Variants in DLC1 observed in about 807,000 individuals in gnomAD.
DLC1 encodes the protein DLC1 Rho GTPase activating protein.
In DLC1, 54 loss-of-function variants were observed where a neutral mutation model predicts 140.3. That is an observed-to-expected ratio of 0.38 (90% confidence interval 0.31 to 0.48). DLC1 has a LOEUF of 0.48. Ranked by LOEUF, DLC1 falls within the 20% of genes least tolerant of loss-of-function variation. DLC1 has a pLI of 0.96. For missense variants in DLC1, 2,536 were observed against 1,907.0 expected, an observed-to-expected ratio of 1.33 and a Z score of -6.14; for synonymous variants, 986 against 728.1, an observed-to-expected ratio of 1.35 and a Z score of -5.70.
chr8:13,315,167 C>T (rs1043145950), intron 4 of DLC1, among the ~76,000 whole-genome samples: 9 of 152,122 alleles, frequency 5.9e-5, no homozygotes, highest in Admixed American at 1.3e-4. Flanking sequence ...GGAATCCCAG[C>T]GCTTTGGGAG....
intron 5 of DLC1, among the ~76,000 whole-genome samples, chr8:13,156,559 C>T (rs577293816): frequency 7.6e-4 from 115 of 152,284 alleles, no homozygotes; most frequent in Non-Finnish European, 1.4e-3. Flanking sequence ...GAGTCATTGG[C>T]GGGCTGCGCA....
intron 5 of DLC1, among the ~76,000 whole-genome samples, chr8:13,131,184 C>A (rs1822043739): frequency 6.6e-6 from 1 of 152,214 alleles, no homozygotes; most frequent in African/African-American, 2.4e-5. Context: ...ATTAATTCCA[C>A]ACTTACAGTC....
At chr8:13,249,406 T>C (rs7006269) in intron 5 of DLC1, among the ~76,000 whole-genome samples, 35,605 of 152,006 alleles carry the variant, frequency 0.23, 4,344 homozygotes, top group South Asian at 0.34. Context: ...CAGACTGTAT[T>C]GTCTCCACTG....
rs566390072 is a variant in DLC1 at position 13,525,981 on chromosome 8, T to C, written c.-125-25785A>G. On this transcript the variant is annotated intron_variant, in intron 1 of 1. Transcript: ENST00000631382. ...TTTTACACCTAGGTTCTATGACATA[T>C]GTAGAGATAATTTTTTATATGGTGA... Among the ~76,000 whole-genome samples, 5 of 152,252 alleles carry C rather than the reference T, an allele frequency of 3.3e-5. No homozygotes were observed. In the South Asian group the frequency reaches 1.0e-3, roughly 32 times the overall value.
chr8:13,445,851 A>T (rs1047984676), intron 2 of DLC1, among the ~76,000 whole-genome samples: 2 of 152,200 alleles, frequency 1.3e-5, no homozygotes, highest in African/African-American at 4.8e-5. Flanking sequence ...AGTTAAGCAT[A>T]TCTATGTGCT....
At chr8:13,464,175 G>T (rs1330636242) in intron 2 of DLC1, among the ~76,000 whole-genome samples, 1 of 152,100 alleles carries the variant, frequency 6.6e-6, no homozygotes, top group African/African-American at 2.4e-5. Flanking sequence ...TTAGGCAGAT[G>T]GATCTTTGTC....
At chr8:13,342,991 A>G (rs1349834696) in intron 4 of DLC1, among the ~76,000 whole-genome samples, 1 of 152,152 alleles carries the variant, frequency 6.6e-6, no homozygotes, top group African/African-American at 2.4e-5. Flanking sequence ...ACCAAACAGT[A>G]ATTTCTGACT....
Position 13,582,891 on chromosome 8 carries a change from T to C in DLC1, c.-126+21646A>G, listed in dbSNP as rs1184830280. ...ATATACTGTGGTCTATATATATATA[T>C]ATATATATATATATATATATATATA... On this transcript the variant is annotated intron_variant, in intron 1 of 1. Transcript: ENST00000631382. Among the ~76,000 whole-genome samples, 36 of 85,232 alleles carry C rather than the reference T, an allele frequency of 4.2e-4. 1 individual carries two copies. Among genetic ancestry groups the C allele is most frequent in the Non-Finnish European group, 6.6e-4 (28 of 42,526 alleles). The allele number at this position is 85,232 out of a possible 152,430, so 55.9% of individuals were successfully genotyped here. A position where few individuals can be genotyped will look rare whatever the true frequency, so the allele number is the denominator to read the frequency against.
chr8:13,123,526 T>TTA (rs5889419), intron 5 of DLC1, among the ~76,000 whole-genome samples: 2 of 146,168 alleles, frequency 1.4e-5, no homozygotes, highest in African/African-American at 2.5e-5. Context: ...TTTTTTTTTT[T>TTA]AAGTAAACAC....
chr8:13,453,800 T>C (rs1339095176), intron 2 of DLC1, among the ~76,000 whole-genome samples: 1 of 151,804 alleles, frequency 6.6e-6, no homozygotes, highest in Non-Finnish European at 1.5e-5. Flanking sequence ...ATTATAACGA[T>C]GTCTTCTTTA....
At chr8:13,177,121 A>G (rs955793159) in intron 5 of DLC1, among the ~76,000 whole-genome samples, 2 of 152,204 alleles carry the variant, frequency 1.3e-5, no homozygotes, top group Non-Finnish European at 1.5e-5. Flanking sequence ...TTAATTGTTT[A>G]TAGTTGATTG....
At chr8:13,178,109 C>T (rs980143161) in intron 5 of DLC1, among the ~76,000 whole-genome samples, 28 of 152,118 alleles carry the variant, frequency 1.8e-4, no homozygotes, top group African/African-American at 6.5e-4. Context: ...AACAACCTCA[C>T]ATCATTGATT....
chr8:13,148,436 T>C (rs1485744204), intron 5 of DLC1, among the ~76,000 whole-genome samples: 1 of 152,206 alleles, frequency 6.6e-6, no homozygotes, highest in Admixed American at 6.5e-5. Context: ...TCCAGCTCCA[T>C]CCACATTCCC....
chr8:13,505,372 A>G (rs958037364), intron 1 of DLC1, among the ~76,000 whole-genome samples: 7 of 152,192 alleles, frequency 4.6e-5, no homozygotes, highest in African/African-American at 7.2e-5. Flanking sequence ...TAGTACAATC[A>G]TATTGTTTAG....
chr8:13,280,772 G>A (rs775655357), intron 5 of DLC1, among the ~76,000 whole-genome samples: 1 of 152,204 alleles, frequency 6.6e-6, no homozygotes, highest in East Asian at 1.9e-4. Context: ...TACCTAAAGT[G>A]CTGGAAGATC....
Position 13,481,514 on chromosome 8 carries a change from T to C in DLC1, c.1023+17535A>G, listed in dbSNP as rs146315468. On this transcript the variant is annotated intron_variant, in intron 2 of 17. Coordinates refer to ENST00000276297, the MANE Select transcript of DLC1 (RefSeq NM_182643.3). ...AACTGACATTCATAAAGCTAAATAC[T>C]GGAAGAAGAAAAAAGACATAAATAA... Among the ~76,000 whole-genome samples, 802 of 152,200 alleles carry C rather than the reference T, an allele frequency of 5.3e-3. 5 individuals carry two copies. Among genetic ancestry groups the C allele is most frequent in the African/African-American group, 0.019 (771 of 41,538 alleles).
chr8:13,434,879 C>T (rs1288532893), intron 2 of DLC1, among the ~76,000 whole-genome samples: 3 of 152,082 alleles, frequency 2.0e-5, no homozygotes, highest in Non-Finnish European at 2.9e-5. Context: ...GGTGTTTCGT[C>T]GTGTTGCTTA....
At chr8:13,456,362 C>A (rs1799390254) in intron 2 of DLC1, among the ~76,000 whole-genome samples, 1 of 152,218 alleles carries the variant, frequency 6.6e-6, no homozygotes, top group Non-Finnish European at 1.5e-5. Flanking sequence ...GCCTATATTG[C>A]CCTTGAAAGC....
chr8:13,246,649 C>T lies in DLC1; in HGVS notation c.1348+58620G>A, dbSNP rs555322966. 1.3e-3 allele frequency among the ~76,000 whole-genome samples: 193 copies of T among 151,790 alleles called. 5 individuals are homozygous for T. The South Asian group carries it at 0.015, about 11-fold the overall frequency. On this transcript the variant is annotated intron_variant, in intron 5 of 17. Transcript: ENST00000276297. ...TAAAGATACCTACAAAGGTATAGTA[C>T]GACAAATGCTTTTTTTTTTTTCTAC...
Sources: gnomAD v4.1 joint callset for allele counts (sites outside exome capture counted in the v4.1 genomes callset) on GRCh38, gnomAD v4.1.1 for gene constraint, MANE v1.5 for transcripts, NCBI Gene and HGNC (gene_info 2026-07-23, HGNC 2026-07-21) for gene names.